ADGRG4: variants seen among roughly 807,000 people sequenced by gnomAD.
The protein encoded by ADGRG4 is G protein-coupled receptor 112.
A neutral mutation model predicts 126.2 loss-of-function variants in ADGRG4; 122 were observed. The ratio of observed to expected loss-of-function variants is 0.97; its 90% CI spans 0.83 to 1.12. ADGRG4 has a LOEUF of 1.12. Ranked by LOEUF, ADGRG4 falls within the 50% of genes most tolerant of loss-of-function variation. The pLI is 0.00. For synonymous variants in ADGRG4, 943 were observed against 838.7 expected, an observed-to-expected ratio of 1.12 and a Z score of -2.15; for missense variants, 2,481 against 2,251.8, an observed-to-expected ratio of 1.10 and a Z score of -2.06.
Position 136,356,246 on chromosome X carries a change from G to A in ADGRG4, c.6927+81G>A, listed in dbSNP as rs759582289. Reference sequence around the variant, plus strand: ...GTAAGTCAATAGCTCTTCCACCCAAGTATATATTATCAGGCGAGGCTTTGT... The same window carrying A: ...GTAAGTCAATAGCTCTTCCACCCAAATATATATTATCAGGCGAGGCTTTGT... On this transcript the variant is annotated intron_variant, in intron 9 of 25. Coordinates refer to ENST00000394143, the MANE Select transcript of ADGRG4 (RefSeq NM_153834.4). The A allele has an allele frequency of 1.5e-4, 90 of 608,622 alleles. 1 individual carries two copies. The African/African-American group carries it at 1.9e-3, about 13-fold the overall frequency. The allele number at this position is 608,622 out of a possible 1,213,427, so 50.2% of individuals were successfully genotyped here.
intron 6 of ADGRG4, 114 bp from the exon 7 acceptor site, chrX:136,351,333 T>G: frequency 2.1e-5 from 8 of 372,166 alleles, no homozygotes; most frequent in Non-Finnish European, 3.7e-5. Context: ...AGTTTAGGCA[T>G]GAGACGTTAT....
Position 136,345,563 on chromosome X carries a change from G to T in ADGRG4, c.1857G>T (p.Leu619Phe). ...TQNTPTADGHLLTLMSTRSAS... is the reference protein window; with the variant it reads ...TQNTPTADGHFLTLMSTRSAS... ...ATACACCTACAGCTGATGGACACTT[G>T]CTTACTTTGATGTCCACTAGATCAG... Residue 619 changes from leucine (L) to phenylalanine (F), a missense_variant, in exon 6 of 26, where the codon TTG becomes TTT. Physicochemically the swap from Leu to Phe is conservative, Grantham distance 22. Coordinates refer to ENST00000394143, the MANE Select transcript of ADGRG4 (RefSeq NM_153834.4). 3 of 1,209,706 alleles carry T rather than the reference G, an allele frequency of 2.5e-6. No individual in the cohort carries two copies. Among genetic ancestry groups the T allele is most frequent in the Non-Finnish European group, 3.4e-6 (3 of 894,090 alleles).
intron 15 of ADGRG4, among the ~76,000 whole-genome samples, chrX:136,375,439 T>G (rs1206802729): frequency 8.9e-6 from 1 of 112,253 alleles, no homozygotes; most frequent in Non-Finnish European, 1.9e-5. Context: ...GTTCTCAGTT[T>G]AGTTCTTTAA....
At chrX:136,325,264 A>T (rs367934581) in intron 5 of ADGRG4, among the ~76,000 whole-genome samples, 3 of 111,824 alleles carry the variant, frequency 2.7e-5, no homozygotes, top group African/African-American at 9.8e-5. Context: ...GACTAAGGGG[A>T]TATGTTTTCA....
intron 5 of ADGRG4, among the ~76,000 whole-genome samples, chrX:136,339,444 T>C (rs1231287712): frequency 3.6e-5 from 4 of 111,460 alleles, no homozygotes; most frequent in African/African-American, 9.8e-5. Context: ...GGAGAGTGCT[T>C]CTCTTGGTTG....
chrX:136,388,173 A>G (rs1274295578), intron 16 of ADGRG4, among the ~76,000 whole-genome samples: 3 of 112,262 alleles, frequency 2.7e-5, no homozygotes, highest in Non-Finnish European at 5.6e-5. Context: ...TCCTGATGAA[A>G]TGATGTTTCG....
intron 15 of ADGRG4, among the ~76,000 whole-genome samples, chrX:136,379,423 C>T (rs2075246226): frequency 9.2e-6 from 1 of 108,901 alleles, no homozygotes; most frequent in Non-Finnish European, 1.9e-5. Context: ...TTGTTCTGCT[C>T]TCCGTTCCTC....
At chrX:136,392,471 C>T (rs2075325156) in intron 17 of ADGRG4, 117 bp downstream of exon 17, 18 of 617,210 alleles carry the variant, frequency 2.9e-5, no homozygotes, top group Non-Finnish European at 4.1e-5. Flanking sequence ...GAGGAATGTC[C>T]TATTCCAGGT....
At chrX:136,411,368 A>G (rs1380817939) in intron 23 of ADGRG4, among the ~76,000 whole-genome samples, 1 of 112,448 alleles carries the variant, frequency 8.9e-6, no homozygotes, top group Non-Finnish European at 1.9e-5. Flanking sequence ...CTTAAGTCAT[A>G]TTTTTATCTT....
In ADGRG4 at chrX:136,382,124, A is replaced by C. The variant is rs1279841176; in HGVS notation, c.7777-5616A>C. ...ACCATCACAAGTCCATCCCTTTTCAAGTTGAACCCATACACATTTCCTGAG... is the reference window on the plus strand; with the variant it reads ...ACCATCACAAGTCCATCCCTTTTCACGTTGAACCCATACACATTTCCTGAG... On this transcript the variant is annotated intron_variant, in intron 15 of 25. Transcript: ENST00000394143. 3.6e-5 allele frequency among the ~76,000 whole-genome samples: 4 copies of C among 111,417 alleles called. No individual in the cohort carries two copies. The East Asian group carries it at 1.1e-3, about 31-fold the overall frequency.
At chrX:136,401,717 G>A (rs1031224449) in intron 21 of ADGRG4, among the ~76,000 whole-genome samples, 3 of 112,156 alleles carry the variant, frequency 2.7e-5, no homozygotes, top group Admixed American at 9.4e-5. Flanking sequence ...ATGGATGACC[G>A]CCACGTGAGT....
intron 10 of ADGRG4, 78 bp downstream of exon 10, chrX:136,357,834 G>A: frequency 4.5e-6 from 3 of 664,118 alleles, no homozygotes; most frequent in South Asian, 2.6e-5. Flanking sequence ...CTGCATGTGC[G>A]GCCAGTTGGC....
chrX:136,367,350 T>A (rs748595354), intron 13 of ADGRG4, among the ~76,000 whole-genome samples: 197 of 111,848 alleles, frequency 1.8e-3, no homozygotes, highest in Non-Finnish European at 3.2e-3. Context: ...AAACCAAGAG[T>A]GAGGGCAATA....
chrX:136,366,035 C>T (rs755024781), intron 13 of ADGRG4, among the ~76,000 whole-genome samples: 8 of 112,069 alleles, frequency 7.1e-5, no homozygotes, highest in Non-Finnish European at 1.5e-4. Context: ...ACTGACACAT[C>T]GTTATCACCA....
intron 15 of ADGRG4, among the ~76,000 whole-genome samples, chrX:136,382,741 G>A (rs1020330797): frequency 4.5e-5 from 5 of 111,177 alleles, no homozygotes; most frequent in Non-Finnish European, 9.4e-5. Flanking sequence ...TTGATAGTCC[G>A]GATCAATCAC....
chrX:136,374,327 A>G (rs1245922546), intron 15 of ADGRG4, among the ~76,000 whole-genome samples: 1 of 110,683 alleles, frequency 9.0e-6, no homozygotes, highest in Non-Finnish European at 1.9e-5. Context: ...CCTGCTATGA[A>G]CCTTTGTGTA....
rs1428448238 is a variant in ADGRG4, at chrX:136,399,831, T to C, written c.8307-17T>C. On this transcript the variant is annotated splice_polypyrimidine_tract_variant and intron_variant, in intron 20 of 25. Coordinates refer to ENST00000394143, the MANE Select transcript of ADGRG4 (RefSeq NM_153834.4). Reference sequence around the variant, plus strand: ...AAAAACAGACTTTACCTAACAACATTGTACTTTCTCTTTTAGCAAACTTCG... The same window carrying C: ...AAAAACAGACTTTACCTAACAACATCGTACTTTCTCTTTTAGCAAACTTCG... The C allele has an allele frequency of 4.2e-6, 5 of 1,190,911 alleles. No individual in the cohort carries two copies. The African/African-American group carries it at 7.1e-5, about 17-fold the overall frequency.
At chrX:136,409,898 G>A (rs1036533676) in intron 23 of ADGRG4, among the ~76,000 whole-genome samples, 2 of 112,422 alleles carry the variant, frequency 1.8e-5, no homozygotes, top group Non-Finnish European at 3.8e-5. Context: ...GTATAGTACA[G>A]TAGTTAAGCC....
chrX:136,392,352 C>A lies in ADGRG4; in HGVS notation c.8032C>A (p.Gln2678Lys). 8.7e-7 allele frequency: 1 copy of A among 1,151,884 alleles called. No homozygotes were observed. The highest frequency in any genetic ancestry group is 1.2e-6 in the Non-Finnish European group (1 of 860,082). 94.9% of individuals were successfully genotyped at this position (1,151,884 alleles called of 1,213,427 possible). A position where few individuals can be genotyped will look rare whatever the true frequency, so the allele number is the denominator to read the frequency against. Residue 2678 changes from glutamine to lysine, a missense_variant and splice_region_variant, in exon 17 of 26, where the codon CAG (glutamine) becomes AAG (lysine). Gln to Lys is a moderately conservative substitution (Grantham distance 53, BLOSUM62 1). Transcript: ENST00000394143. ...CACTCTGCAGCATATTGGAGGAAAC[C>A]AGGTAATATATCTATTTTCAGCTCA... Reference protein sequence around the residue: ...VITLQHIGGNQNYGQVHCAFW... With the variant: ...VITLQHIGGNKNYGQVHCAFW...
Sources: allele counts gnomAD v4.1 joint callset (sites outside exome capture counted in the v4.1 genomes callset), GRCh38; gene constraint gnomAD v4.1.1; transcripts MANE v1.5; gene names NCBI Gene and HGNC (gene_info 2026-07-23, HGNC 2026-07-21).